RAB3C: variants seen among roughly 807,000 people sequenced by gnomAD.
RAB3C encodes RAB3C, member RAS oncogene family, also known as ras-related protein Rab-3C.
A neutral mutation model predicts 26.4 loss-of-function variants in RAB3C; 17 were observed. The observed-to-expected ratio is 0.64, with a 90% CI of 0.44 to 0.97. RAB3C has a LOEUF of 0.97. RAB3C is among the 50% of genes least tolerant of loss of function. RAB3C has a pLI of 0.00. For missense variants in RAB3C, 242 were observed against 281.9 expected (o/e 0.86, Z 1.01); for synonymous variants, 91 against 95.9 (o/e 0.95, Z 0.30).
At chr5:58,606,350 A>G (rs1352546694) in intron 1 of RAB3C, among the ~76,000 whole-genome samples, 1 of 152,202 alleles carries the variant, frequency 6.6e-6, no homozygotes, top group East Asian at 1.9e-4. Flanking sequence ...GGGGAGGGGC[A>G]TCCACCATTG....
At chr5:58,808,532 T>C (rs1742997659) in intron 3 of RAB3C, among the ~76,000 whole-genome samples, 1 of 152,206 alleles carries the variant, frequency 6.6e-6, no homozygotes, top group Non-Finnish European at 1.5e-5. Flanking sequence ...TGGGCAAATC[T>C]TATGCAGGCA....
chr5:58,827,944 A>G (rs1308800030), intron 4 of RAB3C, among the ~76,000 whole-genome samples: 1 of 152,210 alleles, frequency 6.6e-6, no homozygotes, highest in East Asian at 1.9e-4. Flanking sequence ...AAAGTTGCAC[A>G]TTGTTTTTTA....
intron 2 of RAB3C, among the ~76,000 whole-genome samples, chr5:58,635,876 C>T (rs1411845862): frequency 6.6e-6 from 1 of 152,070 alleles, no homozygotes; most frequent in Non-Finnish European, 1.5e-5. Flanking sequence ...GAGATATATG[C>T]AAAATTTGTG....
In RAB3C at chr5:58,825,172, A is replaced by T; in HGVS notation, c.496+10A>T. The T allele has an allele frequency of 6.2e-7, 1 of 1,607,602 alleles. No homozygotes were observed. The highest frequency in any genetic ancestry group is 8.5e-7 in the Non-Finnish European group (1 of 1,176,682). ...TTAGGAGAACAGCTTGGTAAGAAAC[A>T]AATTAATAAGTTAAAAAGAAAGATA... On this transcript the variant is annotated intron_variant, in intron 4 of 4. Transcript: ENST00000282878.
intron 1 of RAB3C, among the ~76,000 whole-genome samples, chr5:58,595,373 G>T (rs940926139): frequency 2.6e-5 from 4 of 152,148 alleles, no homozygotes; most frequent in Non-Finnish European, 4.4e-5. Context: ...TCAACATCAT[G>T]ATGGTGAGAT....
At chr5:58,833,409 T>G (rs1274265117) in intron 4 of RAB3C, among the ~76,000 whole-genome samples, 1 of 151,812 alleles carries the variant, frequency 6.6e-6, no homozygotes, top group African/African-American at 2.4e-5. Context: ...AACATGAGTG[T>G]TTTTAGCTCC....
chr5:58,843,033 C>A (rs1304845932), intron 4 of RAB3C, among the ~76,000 whole-genome samples: 1 of 152,120 alleles, frequency 6.6e-6, no homozygotes, highest in South Asian at 2.1e-4. Context: ...TAGATCTTGT[C>A]CTGGTTTACC....
At chr5:58,838,702 G>C (rs1306172235) in intron 4 of RAB3C, among the ~76,000 whole-genome samples, 2 of 152,148 alleles carry the variant, frequency 1.3e-5, no homozygotes, top group Non-Finnish European at 2.9e-5. Flanking sequence ...ATGTCTGTTA[G>C]GTCCATCTGG....
chr5:58,666,651 T>C (rs1223375576), intron 2 of RAB3C, among the ~76,000 whole-genome samples: 1 of 152,156 alleles, frequency 6.6e-6, no homozygotes, highest in African/African-American at 2.4e-5. Flanking sequence ...TTAGTAGAGA[T>C]AGGGGCTGCT....
intron 1 of RAB3C, among the ~76,000 whole-genome samples, chr5:58,585,953 A>G (rs1301214122): frequency 6.6e-6 from 1 of 152,092 alleles, no homozygotes; most frequent in East Asian, 1.9e-4. Context: ...CAGTGTATAC[A>G]TGAATCCTGA....
At chr5:58,808,679 T>C (rs939547441) in intron 3 of RAB3C, among the ~76,000 whole-genome samples, 2 of 152,236 alleles carry the variant, frequency 1.3e-5, no homozygotes, top group African/African-American at 4.8e-5. Flanking sequence ...TTGTATTTGA[T>C]TTAAACTGAA....
intron 4 of RAB3C, among the ~76,000 whole-genome samples, chr5:58,845,061 T>C (rs1362613348): frequency 6.6e-6 from 1 of 152,216 alleles, no homozygotes; most frequent in Non-Finnish European, 1.5e-5. Flanking sequence ...ATTGTGATTA[T>C]TACCATTAAC....
At chr5:58,632,000 AAAG>A (rs1278676638) in intron 2 of RAB3C, among the ~76,000 whole-genome samples, 1 of 152,228 alleles carries the variant, frequency 6.6e-6, no homozygotes. Flanking sequence ...AGCAGAGATT[AAAG>A]GAGAGAGGCT....
intron 3 of RAB3C, among the ~76,000 whole-genome samples, chr5:58,787,835 G>C (rs1032626223): frequency 6.6e-6 from 1 of 152,356 alleles, no homozygotes; most frequent in Non-Finnish European, 1.5e-5. Context: ...GTTCAAGTCA[G>C]TGCTGTTAGA....
intron 1 of RAB3C, among the ~76,000 whole-genome samples, chr5:58,595,083 A>C (rs1012334076): frequency 3.3e-5 from 5 of 152,046 alleles, no homozygotes; most frequent in Non-Finnish European, 7.4e-5. Context: ...GTAAAGCCCG[A>C]TTGTGTTTAT....
Position 58,613,800 on chromosome 5 carries a change from C to T in RAB3C, c.25-3843C>T, listed in dbSNP as rs1346852109. Among the ~76,000 whole-genome samples the T allele has an allele frequency of 2.6e-5, 4 of 152,090 alleles. No individual in the cohort carries two copies. In the South Asian group the frequency reaches 8.3e-4, roughly 32 times the overall value. Reference sequence around the variant, plus strand: ...AAATCTGAAGAGGTGTCAGTTTTAACCTAGCAGGATGTGTTCAATTTTTCA... The same window carrying T: ...AAATCTGAAGAGGTGTCAGTTTTAATCTAGCAGGATGTGTTCAATTTTTCA... On this transcript the variant is annotated intron_variant, in intron 1 of 4. Coordinates refer to ENST00000282878, the MANE Select transcript of RAB3C (RefSeq NM_138453.4).
chr5:58,777,596 T>G (rs1408092836), intron 3 of RAB3C, among the ~76,000 whole-genome samples: 1 of 135,772 alleles, frequency 7.4e-6, no homozygotes, highest in East Asian at 2.2e-4. Context: ...AAGACCATGT[T>G]TTTTTTTTTT....
At chr5:58,597,809 A>T (rs1746360068) in intron 1 of RAB3C, among the ~76,000 whole-genome samples, 1 of 94,672 alleles carries the variant, frequency 1.1e-5, no homozygotes. Context: ...GTAATACATT[A>T]TATATAAGTA....
chr5:58,670,048 T>C (rs1748081215), intron 2 of RAB3C, among the ~76,000 whole-genome samples: 1 of 152,190 alleles, frequency 6.6e-6, no homozygotes, highest in African/African-American at 2.4e-5. Flanking sequence ...CTATAAATCA[T>C]TCTGTGTGCC....
Sources: allele counts gnomAD v4.1 joint callset (sites outside exome capture counted in the v4.1 genomes callset), GRCh38; gene constraint gnomAD v4.1.1; transcripts MANE v1.5; gene names NCBI Gene and HGNC (gene_info 2026-07-23, HGNC 2026-07-21).